ATF7IP2: variants seen among roughly 807,000 people sequenced by gnomAD.
ATF7IP2 encodes activating transcription factor 7-interacting protein 2.
A neutral mutation model predicts 64.2 loss-of-function variants in ATF7IP2; 42 were observed. The observed-to-expected ratio is 0.65, with a 90% CI of 0.51 to 0.85. The LOEUF is 0.85. ATF7IP2 is among the 40% of genes least tolerant of loss of function. The pLI is 0.00. For missense variants in ATF7IP2, 933 were observed against 784.2 expected (o/e 1.19, Z -2.27); for synonymous variants, 308 against 272.8 (o/e 1.13, Z -1.27).
At chr16:10,405,754 C>T (rs1021003807) in intron 1 of ATF7IP2, among the ~76,000 whole-genome samples, 2 of 152,172 alleles carry the variant, frequency 1.3e-5, no homozygotes, top group Admixed American at 1.3e-4. Flanking sequence ...GGCAGTGGGT[C>T]CTGGCACTAA....
At chr16:10,416,680 C>G (rs558243658) in intron 2 of ATF7IP2, among the ~76,000 whole-genome samples, 1 of 152,182 alleles carries the variant, frequency 6.6e-6, no homozygotes, top group South Asian at 2.1e-4. Flanking sequence ...ACCTGTAATC[C>G]CTGCTACTCA....
At chr16:10,455,153 C>T (rs540075595) in intron 8 of ATF7IP2, among the ~76,000 whole-genome samples, 2 of 152,262 alleles carry the variant, frequency 1.3e-5, no homozygotes, top group African/African-American at 2.4e-5. Flanking sequence ...ATTCCCAGAA[C>T]TTGTGAATAT....
chr16:10,391,050 C>G (rs1355441589), intron 1 of ATF7IP2, among the ~76,000 whole-genome samples: 1 of 151,570 alleles, frequency 6.6e-6, no homozygotes, highest in Non-Finnish European at 1.5e-5. Context: ...CCTAGCTACT[C>G]TGGAGAATGA....
chr16:10,446,279 G>A (rs2048801565), intron 8 of ATF7IP2: 1 of 152,186 alleles, frequency 6.6e-6, no homozygotes, highest in Non-Finnish European at 1.5e-5. Flanking sequence ...AACCTGCTGG[G>A]TTAAGTGAAT....
intron 3 of ATF7IP2, among the ~76,000 whole-genome samples, chr16:10,425,301 C>G (rs959529663): frequency 6.6e-6 from 1 of 150,610 alleles, no homozygotes; most frequent in Non-Finnish European, 1.5e-5. Context: ...AACTCCTGAC[C>G]TCAAGTGATC....
At chr16:10,400,978 A>G (rs1179609840) in intron 1 of ATF7IP2, among the ~76,000 whole-genome samples, 3 of 152,072 alleles carry the variant, frequency 2.0e-5, no homozygotes, top group Admixed American at 2.0e-4. Flanking sequence ...CTGGGAATAT[A>G]GGTATGAGCC....
intron 8 of ATF7IP2, among the ~76,000 whole-genome samples, chr16:10,442,347 GTTC>G (rs2048656252): frequency 6.6e-6 from 1 of 152,200 alleles, no homozygotes; most frequent in African/African-American, 2.4e-5. Context: ...TGACTTTGCT[GTTC>G]TTCTTGATTT....
At chr16:10,421,990 G>A (rs998075923) in intron 3 of ATF7IP2, among the ~76,000 whole-genome samples, 2 of 152,216 alleles carry the variant, frequency 1.3e-5, no homozygotes, top group South Asian at 4.1e-4. Flanking sequence ...AGCAGGAGAA[G>A]GCAGTCCTGG....
chr16:10,398,055 A>C (rs2047453327), intron 1 of ATF7IP2, among the ~76,000 whole-genome samples: 1 of 152,028 alleles, frequency 6.6e-6, no homozygotes, highest in South Asian at 2.1e-4. Flanking sequence ...TTGTAATCCC[A>C]GCACTTTGGG....
intron 13 of ATF7IP2, among the ~76,000 whole-genome samples, chr16:10,481,362 C>G (rs2050218959): frequency 2.7e-5 from 1 of 37,106 alleles, no homozygotes; most frequent in Non-Finnish European, 6.9e-5. Flanking sequence ...TCCCGAGTAG[C>G]TGGGATTTCC....
At chr16:10,416,889 A>G (rs752921139) in intron 2 of ATF7IP2, among the ~76,000 whole-genome samples, 2 of 152,240 alleles carry the variant, frequency 1.3e-5, no homozygotes, top group African/African-American at 4.8e-5. Context: ...TTAGTTATAC[A>G]TTTAAAAATA....
intron 5 of ATF7IP2, 32 bp downstream of exon 5, chr16:10,431,487 A>G (rs556064182): frequency 7.2e-7 from 1 of 1,395,360 alleles, no homozygotes; most frequent in Non-Finnish European, 9.8e-7. Context: ...TTTTAGAAAA[A>G]TTAAAATAGT....
intron 1 of ATF7IP2, among the ~76,000 whole-genome samples, chr16:10,394,097 AT>A (rs1398284650): frequency 6.6e-6 from 1 of 152,182 alleles, no homozygotes; most frequent in Non-Finnish European, 1.5e-5. Flanking sequence ...AATGGCAGAG[AT>A]TTTCATACTG....
At chr16:10,409,280 G>C (rs2047704084) in intron 1 of ATF7IP2, among the ~76,000 whole-genome samples, 1 of 152,192 alleles carries the variant, frequency 6.6e-6, no homozygotes, top group African/African-American at 2.4e-5. Flanking sequence ...ACAGATGTGA[G>C]TTATTGATTA....
At chr16:10,471,095 G>A (rs774893875) in intron 9 of ATF7IP2, among the ~76,000 whole-genome samples, 1 of 152,082 alleles carries the variant, frequency 6.6e-6, no homozygotes, top group African/African-American at 2.4e-5. Flanking sequence ...AACAGGAAAA[G>A]ATGTTCTTTT....
chr16:10,425,359 A>G (rs1160136193), intron 3 of ATF7IP2, among the ~76,000 whole-genome samples: 4 of 151,600 alleles, frequency 2.6e-5, no homozygotes, highest in Non-Finnish European at 4.4e-5. Context: ...GGCGTGAGCC[A>G]CTGTGCCCAG....
intron 8 of ATF7IP2, among the ~76,000 whole-genome samples, chr16:10,453,049 A>G (rs1234989686): frequency 6.6e-6 from 1 of 152,158 alleles, no homozygotes; most frequent in Non-Finnish European, 1.5e-5. Flanking sequence ...CCGAGCCAGA[A>G]CACTTGGCTC....
intron 1 of ATF7IP2, among the ~76,000 whole-genome samples, chr16:10,410,415 G>C (rs1019104585): frequency 1.3e-5 from 2 of 151,984 alleles, no homozygotes; most frequent in African/African-American, 4.8e-5. Flanking sequence ...GTTGAGTTCT[G>C]GACGTTTCTC....
At chr16:10,458,914 G>A (rs777331293) in intron 9 of ATF7IP2, among the ~76,000 whole-genome samples, 8 of 152,188 alleles carry the variant, frequency 5.3e-5, no homozygotes, top group East Asian at 1.9e-4. Context: ...GGCTGGGCGC[G>A]GTGGCTCACG....
Sources: gnomAD v4.1 joint callset for allele counts (sites outside exome capture counted in the v4.1 genomes callset) on GRCh38, gnomAD v4.1.1 for gene constraint, MANE v1.5 for transcripts, NCBI Gene and HGNC (gene_info 2026-07-23, HGNC 2026-07-21) for gene names.